The following DHX32 variants were observed in gnomAD, a reference collection of about 807,000 sequenced individuals.
DHX32 encodes the protein putative pre-mRNA-splicing factor ATP-dependent RNA helicase DHX32.
A neutral mutation model predicts 70.0 loss-of-function variants in DHX32; 51 were observed. That is an observed-to-expected ratio of 0.73 (90% CI 0.58 to 0.92). The LOEUF (loss-of-function observed/expected upper bound fraction) is 0.92. Ranked by LOEUF, DHX32 falls within the 40% of genes least tolerant of loss-of-function variation. The pLI, the probability that DHX32 is intolerant of heterozygous loss-of-function variation, is 0.00. For synonymous variants in DHX32, 310 were observed against 315.3 expected, an observed-to-expected ratio of 0.98 and a Z score of 0.18; for missense variants, 762 against 891.8, an observed-to-expected ratio of 0.85 and a Z score of 1.85.
intron 6 of DHX32, 76 bp downstream of exon 6, chr10:125,852,217 G>T: frequency 6.5e-7 from 1 of 1,548,740 alleles, no homozygotes; most frequent in South Asian, 1.2e-5. Context: ...CGCATCATGT[G>T]AACTCAGGAC....
At chr10:125,846,811 GT>G (rs1704167482) in intron 6 of DHX32, among the ~76,000 whole-genome samples, 1 of 152,110 alleles carries the variant, frequency 6.6e-6, no homozygotes, top group African/African-American at 2.4e-5. Context: ...TTTCTTGGGC[GT>G]TTTCGACTTT....
intron 1 of DHX32, among the ~76,000 whole-genome samples, chr10:125,872,220 C>T (rs1040012713): frequency 3.3e-5 from 5 of 152,192 alleles, no homozygotes; most frequent in Admixed American, 6.5e-5. Flanking sequence ...TCTTTGTCTT[C>T]TCACCAATGA....
intron 3 of DHX32, among the ~76,000 whole-genome samples, chr10:125,858,781 G>A (rs1944163938): frequency 6.6e-6 from 1 of 152,042 alleles, no homozygotes; most frequent in Non-Finnish European, 1.5e-5. Flanking sequence ...AGGGAAAAAA[G>A]GCCAGGCAAT....
chr10:125,838,964 G>A (rs757932974), intron 9 of DHX32, 37 bp downstream of exon 9: 4 of 1,586,336 alleles, frequency 2.5e-6, no homozygotes, highest in Non-Finnish European at 3.4e-6. Context: ...GTGCAATTCA[G>A]CAGAGCCTAT....
intron 1 of DHX32, among the ~76,000 whole-genome samples, chr10:125,867,894 G>A (rs1265442539): frequency 1.3e-5 from 2 of 152,170 alleles, no homozygotes; most frequent in East Asian, 3.9e-4. Context: ...TGTGTTTTAA[G>A]CAATGTAAAT....
Position 125,841,814 on chromosome 10 carries a change from G to A in DHX32, c.1472C>T (p.Ser491Leu), listed in dbSNP as rs1854887242. 1.9e-6 allele frequency: 3 copies of A among 1,613,740 alleles called. No homozygotes were observed. Among genetic ancestry groups the A allele is most frequent in the African/African-American group, 1.3e-5 (1 of 75,032 alleles). ...MSEFPLDPQL[S>L]KSILASCEFD... The stretch of plus-strand genomic sequence containing the variant: ...TTCACAGGACGCTAAGATAGACTTC[G>A]AGAGTTGTGGATCAAGAGGAAACTC... Residue 491 changes from serine (S) to leucine (L), a missense_variant, in exon 7 of 11, where the codon TCG becomes TTG. Coordinates refer to ENST00000284690, the MANE Select transcript of DHX32 (RefSeq NM_018180.3).
Position 125,854,030 on chromosome 10 carries a change from G to C in DHX32, c.1023C>G (p.Ser341Arg). 1 of 1,614,048 alleles carries C rather than the reference G, an allele frequency of 6.2e-7. No individual in the cohort carries two copies. Among genetic ancestry groups the C allele is most frequent in the Non-Finnish European group, 8.5e-7 (1 of 1,179,972 alleles). ...TGCTCCAGATCAAAAACTCTCCAGA[G>C]CTAGTAGTTAACACCACTCTTCTTT... ...VYQRRVVLTT[S>R]SGEFLIWSNS... Residue 341 changes from serine to arginine, a missense_variant, in exon 4 of 11, where the codon AGC becomes AGG. Ser to Arg is a moderately radical substitution (Grantham distance 110). Around this residue, in one of 3 missense-constraint regions of DHX32, gnomAD observed 394 missense variants for 473.1 expected, o/e 0.83. Coordinates refer to ENST00000284690, the MANE Select transcript of DHX32 (RefSeq NM_018180.3).
chr10:125,867,226 AC>A, intron 1 of DHX32, 43 bp from the exon 2 acceptor site: 1 of 1,499,720 alleles, frequency 6.7e-7, no homozygotes, highest in Non-Finnish European at 9.0e-7. Flanking sequence ...TCTGCTGAAA[AC>A]AAAACAAGAG....
chr10:125,880,474 G>T, intron 1 of DHX32, 69 bp downstream of exon 1: 1 of 1,473,778 alleles, frequency 6.8e-7, no homozygotes, highest in South Asian at 1.4e-5. Context: ...ACTAGGCTGT[G>T]ACATGTCATT....
chr10:125,896,279 A>AG (rs1341595290), exon 1 of DHX32: 1 of 159,584 alleles, frequency 6.3e-6, no homozygotes, highest in Non-Finnish European at 1.4e-5. Context: ...ACCCGCGGGC[A>AG]GGCCCACTCG....
rs142344563 is a variant in DHX32, at chr10:125,879,867, C to A, written c.282+676G>T. The stretch of plus-strand genomic sequence containing the variant: ...CCATGTTGCCCAGGCTGGTCTTGAA[C>A]TCCTGGGCTCAAATGATCTGTCCAC... On this transcript the variant is annotated intron_variant, in intron 1 of 10. Transcript: ENST00000284690. Among the ~76,000 whole-genome samples, 706 of 152,308 alleles carry A rather than the reference C, an allele frequency of 4.6e-3. 40 individuals carry two copies. In the East Asian group the frequency reaches 0.094, roughly 20 times the overall value.
rs199860946 is a variant in DHX32, at chr10:125,852,138, A to C, written c.1351+155T>G. On this transcript the variant is annotated intron_variant, in intron 6 of 10. Transcript: ENST00000284690. The stretch of plus-strand genomic sequence containing the variant: ...GGGTTTTAAAAATTACCTTCAGAGA[A>C]TGTTTACCTCTAGCAGGAAAATGCT... 7.2e-5 allele frequency among the ~76,000 whole-genome samples: 11 copies of C among 152,236 alleles called. No homozygotes were observed. The East Asian group carries it at 2.1e-3, about 29-fold the overall frequency.
intron 1 of DHX32, among the ~76,000 whole-genome samples, chr10:125,889,377 A>G (rs1278195855): frequency 6.6e-6 from 1 of 152,198 alleles, no homozygotes; most frequent in Non-Finnish European, 1.5e-5. Flanking sequence ...GTTTAGAAAA[A>G]AAGAAAGTTA....
chr10:125,846,643 C>A (rs1278771567), intron 6 of DHX32, among the ~76,000 whole-genome samples: 1 of 152,170 alleles, frequency 6.6e-6, no homozygotes, highest in Non-Finnish European at 1.5e-5. Flanking sequence ...TGCACTTTTA[C>A]CTCCAAATTG....
At chr10:125,885,096 T>C (rs1249447311), upstream of DHX32, among the ~76,000 whole-genome samples, 1 of 152,232 alleles carries the variant, frequency 6.6e-6, no homozygotes, top group East Asian at 1.9e-4. Context: ...ACTCAGACTT[T>C]ACACGCCTGC....
intron 6 of DHX32, among the ~76,000 whole-genome samples, chr10:125,848,332 C>T (rs1424863103): frequency 6.6e-6 from 1 of 152,188 alleles, no homozygotes; most frequent in Non-Finnish European, 1.5e-5. Flanking sequence ...CTAACTCCTA[C>T]TCCTTTACAC....
chr10:125,847,043 T>C (rs1002684778), intron 6 of DHX32, among the ~76,000 whole-genome samples: 4 of 152,188 alleles, frequency 2.6e-5, no homozygotes, highest in Admixed American at 6.5e-5. Context: ...AGTTTCTGTT[T>C]CTGATTTATT....
chr10:125,841,685 T>C, intron 7 of DHX32, 58 bp downstream of exon 7: 1 of 1,575,298 alleles, frequency 6.3e-7, no homozygotes, highest in Non-Finnish European at 8.5e-7. Flanking sequence ...GGATCCGATC[T>C]AAATCTATAC....
chr10:125,891,353 CTTTTTT>C (rs33930520), intron 1 of DHX32, among the ~76,000 whole-genome samples: 2 of 134,646 alleles, frequency 1.5e-5, no homozygotes, highest in African/African-American at 5.8e-5. Context: ...CTCTCTCTCT[CTTTTTT>C]TTTTTAAGTA....
Sources: allele counts gnomAD v4.1 joint callset (sites outside exome capture counted in the v4.1 genomes callset), GRCh38; gene constraint gnomAD v4.1.1; regional missense constraint gnomAD v4.1.1; transcripts MANE v1.5; gene names NCBI Gene and HGNC (gene_info 2026-07-23, HGNC 2026-07-21).